The following CALML4 variants were observed in gnomAD, a reference collection of about 807,000 sequenced individuals.
The protein encoded by CALML4 is calmodulin like 4, also known as calmodulin-like protein 4.
A neutral mutation model predicts 17.9 loss-of-function variants in CALML4; 16 were observed. The observed-to-expected ratio is 0.89, with a 90% CI of 0.61 to 1.36. The LOEUF is 1.36. Ranked by LOEUF, CALML4 falls within the 40% of genes most tolerant of loss-of-function variation. The pLI is 0.00. For missense variants in CALML4, 203 were observed against 194.8 expected, an observed-to-expected ratio of 1.04 and a Z score of -0.25; for synonymous variants, 86 against 71.5, an observed-to-expected ratio of 1.20 and a Z score of -1.02.
intron 3 of CALML4, 71 bp downstream of exon 3, chr15:68,199,470 T>C (rs1182380428): frequency 4.7e-6 from 7 of 1,483,190 alleles, no homozygotes; most frequent in South Asian, 2.7e-5. Context: ...TGCTGAGCTT[T>C]TCACACCTCT....
At position 68,199,601 on chromosome 15, in the gene CALML4, A is replaced by C. The variant is rs1595811408; in HGVS notation, c.115T>G (p.Cys39Gly). 6.2e-7 allele frequency: 1 copy of C among 1,613,302 alleles called. No homozygotes were observed. Among genetic ancestry groups the C allele is most frequent in the Admixed American group, 1.7e-5 (1 of 59,954 alleles). Residue 39 changes from cysteine to glycine, a missense_variant, in exon 3 of 5, where the codon TGC (cysteine) becomes GGC (glycine). Physicochemically the swap from Cys to Gly is radical, Grantham distance 159. Coordinates refer to ENST00000467889, the MANE Select transcript of CALML4 (RefSeq NM_033429.3). ...KATDLMVAMR[C>G]LGASPTPGEV... ...CCTGGCGTCGGGCTGGCCCCCAGGC[A>C]CCTCATGGCCACCATGAGGTCGGTG...
At chr15:68,202,532 G>A (rs1398736405) in intron 2 of CALML4, among the ~76,000 whole-genome samples, 1 of 152,146 alleles carries the variant, frequency 6.6e-6, no homozygotes, top group African/African-American at 2.4e-5. Context: ...CTTGAGTCTG[G>A]GTGGTGAAGG....
rs145213258 is a variant in CALML4, at chr15:68,190,767, A to T, written c.*3248T>A. 6.6e-6 allele frequency: 1 copy of T among 152,224 alleles called. No homozygotes were observed. Among genetic ancestry groups the T allele is most frequent in the Admixed American group, 6.5e-5 (1 of 15,278 alleles). The allele number at this position is 152,224 out of a possible 1,614,324, so 9.4% of individuals were successfully genotyped here. Reference sequence around the variant, plus strand: ...GTTATTGGATACATCTTAAAAAAAAAAAATCTGAACCAGAACCATGCCATA... The same window carrying T: ...GTTATTGGATACATCTTAAAAAAAATAAATCTGAACCAGAACCATGCCATA... On this transcript the variant is annotated 3_prime_UTR_variant, in exon 5 of 5. Coordinates refer to ENST00000467889, the MANE Select transcript of CALML4 (RefSeq NM_033429.3). This position sits in a 1 kb window ranked among gnomAD's most constrained non-coding sequence, Gnocchi z 4.7.
At position 68,200,935 on chromosome 15, in the gene CALML4, G is replaced by C. The variant is rs919591242; in HGVS notation, c.35-1254C>G. ...AACACTGAGAGCCTGGCTGTGGGCAGCTCTGCCCACCAGGCCACACTGCCT... is the reference window on the plus strand; with the variant it reads ...AACACTGAGAGCCTGGCTGTGGGCACCTCTGCCCACCAGGCCACACTGCCT... On this transcript the variant is annotated intron_variant, in intron 2 of 4. Transcript: ENST00000467889. The surrounding 1 kb of genome is among the most constrained non-coding windows in gnomAD (Gnocchi z 4.3). 1.3e-5 allele frequency among the ~76,000 whole-genome samples: 2 copies of C among 152,138 alleles called. No homozygotes were observed. The highest frequency in any genetic ancestry group is 4.8e-5 in the African/African-American group (2 of 41,424).
At chr15:68,203,109 C>A (rs895999237) in intron 2 of CALML4, among the ~76,000 whole-genome samples, 1 of 152,028 alleles carries the variant, frequency 6.6e-6, no homozygotes, top group East Asian at 1.9e-4. Flanking sequence ...GCCAACTGCA[C>A]CTGGCCAGTT....
rs762966015 is a variant in CALML4 at position 68,197,492 on chromosome 15, G to A, written c.312C>T (p.Ser104=). 2.5e-5 allele frequency: 41 copies of A among 1,614,022 alleles called. No homozygotes were observed. Among genetic ancestry groups the A allele is most frequent in the East Asian group, 1.6e-4 (7 of 44,872 alleles). Reference sequence around the variant, plus strand: ...GACTCGTGAGTTTTGACCGCAGGTCGGACGCCATGACGTAACCTTTCTTCT... The same window carrying A: ...GACTCGTGAGTTTTGACCGCAGGTCAGACGCCATGACGTAACCTTTCTTCT... The part of the protein sequence containing the change: ...DKEKKGYVMA[S]DLRSKLTSLG... The change falls in exon 4 of 5, where the codon TCC becomes TCT. Residue 104 remains serine, a synonymous_variant. Coordinates refer to ENST00000467889, the MANE Select transcript of CALML4 (RefSeq NM_033429.3). The surrounding 1 kb of genome is among the most constrained non-coding windows in gnomAD (Gnocchi z 4.1).
chr15:68,199,655 CA>C lies in CALML4; in HGVS notation c.60del (p.Tyr20Ter). On this transcript the variant is annotated frameshift_variant, in exon 3 of 5. Coordinates refer to ENST00000467889, the MANE Select transcript of CALML4 (RefSeq NM_033429.3). LOFTEE classifies it high-confidence loss of function. The part of the protein sequence containing the change: ...INEYKECFSL[Y>X]DKQQRGKIKA... Reference sequence around the variant, plus strand: ...TTTATCTTCCCCCTCTGCTGCTTGTCATACAGGGAGAAGCATTCCTTGTACT... The same window carrying C: ...TTTATCTTCCCCCTCTGCTGCTTGTCTACAGGGAGAAGCATTCCTTGTACT... 2 of 1,613,440 alleles carry C rather than the reference CA, an allele frequency of 1.2e-6. No homozygotes were observed. Among genetic ancestry groups the C allele is most frequent in the Non-Finnish European group, 1.7e-6 (2 of 1,179,942 alleles).
At position 68,197,164 on chromosome 15, in the gene CALML4, G is replaced by A. The variant is rs1220915625; in HGVS notation, c.364+276C>T. ...CTTGAACACAGGGGGAGACCAGACTGCACGCTCCAGCTGCCCTGCCTTGTG... is the reference window on the plus strand; with the variant it reads ...CTTGAACACAGGGGGAGACCAGACTACACGCTCCAGCTGCCCTGCCTTGTG... On this transcript the variant is annotated intron_variant, in intron 4 of 4. Transcript: ENST00000467889. This position sits in a 1 kb window ranked among gnomAD's most constrained non-coding sequence, Gnocchi z 4.1. Among the ~76,000 whole-genome samples, 1 of 152,088 alleles carries A rather than the reference G, an allele frequency of 6.6e-6. No individual in the cohort carries two copies. Among genetic ancestry groups the A allele is most frequent in the Non-Finnish European group, 1.5e-5 (1 of 68,004 alleles).
In CALML4 at chr15:68,199,695, AGAGG is replaced by A. The variant is rs767926051; in HGVS notation, c.35-18_35-15del. On this transcript the variant is annotated splice_polypyrimidine_tract_variant and intron_variant, in intron 2 of 4. Transcript: ENST00000467889. ...ATTCCTTGTACTCTGCACACGGCCC[AGAGG>A]GAGGGTCAGCAGCGTCTGGTCACTC... 3.1e-6 allele frequency: 5 copies of A among 1,609,604 alleles called. No homozygotes were observed. Among genetic ancestry groups the A allele is most frequent in the Non-Finnish European group, 4.2e-6 (5 of 1,177,846 alleles).
At chr15:68,203,125 T>C (rs770687157) in intron 2 of CALML4, among the ~76,000 whole-genome samples, 1 of 151,528 alleles carries the variant, frequency 6.6e-6, no homozygotes, top group Non-Finnish European at 1.5e-5. Flanking sequence ...CAGTTTTGTA[T>C]TTTTAGTAGA....
At chr15:68,194,837 T>C (rs1191532774) in intron 4 of CALML4, among the ~76,000 whole-genome samples, 1 of 151,862 alleles carries the variant, frequency 6.6e-6, no homozygotes, top group Non-Finnish European at 1.5e-5. Context: ...TGCTCCTCAC[T>C]TGCCTGCCTT....
At position 68,200,963 on chromosome 15, in the gene CALML4, G is replaced by A. The variant is rs2093163749; in HGVS notation, c.35-1282C>T. ...CTGCCCACCAGGCCACACTGCCTTC[G>A]GTTCCAGGGCAGACACCACTGAGAG... On this transcript the variant is annotated intron_variant, in intron 2 of 4. Transcript: ENST00000467889. This position sits in a 1 kb window ranked among gnomAD's most constrained non-coding sequence, Gnocchi z 4.3. Among the ~76,000 whole-genome samples, 3 of 152,122 alleles carry A rather than the reference G, an allele frequency of 2.0e-5. No individual in the cohort carries two copies. The South Asian group carries it at 6.2e-4, about 32-fold the overall frequency.
intron 4 of CALML4, among the ~76,000 whole-genome samples, chr15:68,196,228 A>G (rs1323993709): frequency 6.6e-6 from 1 of 152,158 alleles, no homozygotes; most frequent in Non-Finnish European, 1.5e-5. Context: ...TTTGTATGTC[A>G]GGCAATTTTT....
At chr15:68,202,095 G>T (rs2093167075) in intron 2 of CALML4, among the ~76,000 whole-genome samples, 1 of 152,180 alleles carries the variant, frequency 6.6e-6, no homozygotes, top group Non-Finnish European at 1.5e-5. Flanking sequence ...AAATGAATTG[G>T]ATTAAAAATC....
chr15:68,197,524 C>G lies in CALML4; in HGVS notation c.280G>C (p.Asp94His). The G allele has an allele frequency of 6.2e-7, 1 of 1,614,162 alleles. No individual in the cohort carries two copies. The highest frequency in any genetic ancestry group is 8.5e-7 in the Non-Finnish European group (1 of 1,180,030). ...KEILLAMLMV[D>H]KEKKGYVMAS... ...ATGACGTAACCTTTCTTCTCCTTGTCCACCATCAACATGGCTAGAAGAATT... is the reference window on the plus strand; with the variant it reads ...ATGACGTAACCTTTCTTCTCCTTGTGCACCATCAACATGGCTAGAAGAATT... The change falls in exon 4 of 5, where the codon GAC (aspartate) becomes CAC (histidine). Residue 94 changes from aspartate to histidine, a missense_variant. Transcript: ENST00000467889. The surrounding 1 kb of genome is among the most constrained non-coding windows in gnomAD (Gnocchi z 4.1).
At chr15:68,194,791 CAG>C (rs755418209) in intron 4 of CALML4, among the ~76,000 whole-genome samples, 36 of 152,118 alleles carry the variant, frequency 2.4e-4, no homozygotes. Flanking sequence ...AGCCTGCAAA[CAG>C]AGCGAACATC....
chr15:68,206,086 C>G (rs992273271), upstream of CALML4: 1 of 152,364 alleles, frequency 6.6e-6, no homozygotes, highest in African/African-American at 2.4e-5. Context: ...TTCTTCCTTC[C>G]CTTCCTCTCT....
chr15:68,192,474 CACA>C lies in CALML4; in HGVS notation c.*1538_*1540del, dbSNP rs2093124861. On this transcript the variant is annotated 3_prime_UTR_variant, in exon 5 of 5. Transcript: ENST00000467889. ...GACCTGGGCTTCCCAGCCAGATGGT[CACA>C]ACTTCACCTAGTTGGCATTTGGGCC... 6.6e-6 allele frequency: 1 copy of C among 152,250 alleles called. No individual in the cohort carries two copies. The highest frequency in any genetic ancestry group is 2.4e-5 in the African/African-American group (1 of 41,454). The allele number at this position is 152,250 out of a possible 1,614,324, so 9.4% of individuals were successfully genotyped here.
chr15:68,205,721 G>A (rs2093181526), upstream of CALML4: 1 of 286,424 alleles, frequency 3.5e-6, no homozygotes, highest in Non-Finnish European at 6.9e-6. This position sits in a 1 kb window ranked among gnomAD's most constrained non-coding sequence, Gnocchi z 4.8. Context: ...GCCTAACTCA[G>A]AGATGGGCAC....
Sources: allele counts gnomAD v4.1 joint callset (sites outside exome capture counted in the v4.1 genomes callset), GRCh38; gene constraint gnomAD v4.1.1; non-coding constraint Gnocchi (gnomAD v3.1); transcripts MANE v1.5; gene names NCBI Gene and HGNC (gene_info 2026-07-23, HGNC 2026-07-21).